TEX11: variants seen among roughly 807,000 people sequenced by gnomAD.
TEX11 encodes testis expressed 11.
Under a neutral mutation model 84.4 loss-of-function variants are expected in TEX11, and 7 were observed. The observed-to-expected ratio is 0.08, with a 90% CI of 0.05 to 0.16. TEX11 has a LOEUF of 0.16. Ranked by LOEUF, TEX11 falls within the 10% of genes least tolerant of loss-of-function variation. The probability of loss-of-function intolerance (pLI) is 1.00; values close to 1 mark genes in which losing one functional copy is unlikely to be tolerated. For synonymous variants in TEX11, 264 were observed against 222.8 expected, an observed-to-expected ratio of 1.18 and a Z score of -1.64; for missense variants, 551 against 660.5, an observed-to-expected ratio of 0.83 and a Z score of 1.82.
chrX:70,901,691 C>G (rs1045878912), intron 2 of TEX11, among the ~76,000 whole-genome samples: 1 of 111,783 alleles, frequency 8.9e-6, no homozygotes, highest in African/African-American at 3.2e-5. Flanking sequence ...CAGGGCTCAT[C>G]TCCTGCTGTG....
chrX:70,678,870 T>C lies in TEX11; in HGVS notation c.1176A>G (p.Gln392=), dbSNP rs1173539243. The C allele has an allele frequency of 2.5e-6, 3 of 1,185,159 alleles. No homozygotes were observed. The highest frequency in any genetic ancestry group is 1.1e-6 in the Non-Finnish European group (1 of 886,172). ...EIFLAHQTGR[Q]LTAESMNWLH... ...ACCAGTTCATTGATTCTGCTGTCAG[T>C]TGTCTTCCTGTTTGGTGAGCTGAAA... is the stretch of plus-strand genomic sequence containing the variant. The change falls in exon 15 of 30, where the codon CAA becomes CAG. Residue 392 remains glutamine, a synonymous_variant. Coordinates refer to ENST00000374333, the MANE Select transcript of TEX11 (RefSeq NM_031276.3).
At chrX:70,608,821 G>A (rs1357106168) in intron 22 of TEX11, among the ~76,000 whole-genome samples, 1 of 110,500 alleles carries the variant, frequency 9.0e-6, no homozygotes, top group Non-Finnish European at 1.9e-5. Context: ...CAGTTCATTA[G>A]TTTCATCTTA....
chrX:70,570,938 C>G (rs1286511983), intron 25 of TEX11, among the ~76,000 whole-genome samples: 2 of 112,015 alleles, frequency 1.8e-5, no homozygotes, highest in African/African-American at 3.2e-5. Flanking sequence ...CTTTCTTGAT[C>G]CATCTTGCAA....
chrX:70,557,285 A>G (rs1262579980), intron 25 of TEX11, among the ~76,000 whole-genome samples: 1 of 101,222 alleles, frequency 9.9e-6, no homozygotes, highest in African/African-American at 3.5e-5. Context: ...TCTGGCCAAC[A>G]TGGCAGAATC....
chrX:70,530,105 T>G, intron 28 of TEX11, 106 bp from the exon 29 acceptor site: 1 of 726,901 alleles, frequency 1.4e-6, no homozygotes. Context: ...CAATAGGAGC[T>G]CTGCTGATGT....
intron 2 of TEX11, among the ~76,000 whole-genome samples, chrX:70,884,577 C>T (rs1033169709): frequency 9.0e-6 from 1 of 111,356 alleles, no homozygotes; most frequent in Non-Finnish European, 1.9e-5. Flanking sequence ...ACTAAAATTA[C>T]ATTGTAAATC....
chrX:70,826,577 A>G (rs1361543423), intron 8 of TEX11, among the ~76,000 whole-genome samples: 1 of 112,041 alleles, frequency 8.9e-6, no homozygotes, highest in Non-Finnish European at 1.9e-5. Flanking sequence ...TATGCAGTGC[A>G]GAGAGAGAAT....
intron 16 of TEX11, among the ~76,000 whole-genome samples, chrX:70,655,536 G>T (rs746037759): frequency 1.8e-5 from 2 of 111,039 alleles, no homozygotes; most frequent in South Asian, 7.6e-4. Context: ...CAATTTATTG[G>T]GATATAACTC....
intron 17 of TEX11, among the ~76,000 whole-genome samples, chrX:70,637,843 T>C (rs966903710): frequency 9.0e-6 from 1 of 110,590 alleles, no homozygotes; most frequent in African/African-American, 3.3e-5. Context: ...ATGGGATGAT[T>C]TATGCAGCAA....
chrX:70,678,785 A>G lies in TEX11; in HGVS notation c.1242+19T>C. 2 of 1,182,008 alleles carry G rather than the reference A, an allele frequency of 1.7e-6. No individual in the cohort carries two copies. Among genetic ancestry groups the G allele is most frequent in the Non-Finnish European group, 2.3e-6 (2 of 877,526 alleles). On this transcript the variant is annotated intron_variant, in intron 15 of 29. Transcript: ENST00000374333. Reference sequence around the variant, plus strand: ...TTGCAGTGGAGAAATAAAGAATGAAAAAGAGATTATTCTCAAACCTCAAAA... The same window carrying G: ...TTGCAGTGGAGAAATAAAGAATGAAGAAGAGATTATTCTCAAACCTCAAAA...
chrX:70,727,111 C>T (rs1166496026), intron 11 of TEX11, among the ~76,000 whole-genome samples: 1 of 111,151 alleles, frequency 9.0e-6, no homozygotes, highest in Non-Finnish European at 1.9e-5. Flanking sequence ...TTTTGCAGGG[C>T]CAGATAAAGT....
chrX:70,811,855 C>A (rs2091256916), intron 8 of TEX11, among the ~76,000 whole-genome samples: 2 of 111,359 alleles, frequency 1.8e-5, no homozygotes, highest in Admixed American at 1.9e-4. Flanking sequence ...TATCCTTTGC[C>A]CACTTGTTGA....
intron 12 of TEX11, chrX:70,724,401 G>A: frequency 7.7e-6 from 1 of 130,416 alleles, no homozygotes; most frequent in Non-Finnish European, 1.4e-5. Flanking sequence ...TAAATTTAGG[G>A]CTACTGCCAA....
chrX:70,558,572 G>A (rs946638868), intron 25 of TEX11, among the ~76,000 whole-genome samples: 10 of 111,675 alleles, frequency 9.0e-5, no homozygotes, highest in African/African-American at 3.2e-4. Flanking sequence ...AGATAAACTG[G>A]ACCTCCTCAA....
At chrX:70,810,271 G>C (rs2091244547) in intron 8 of TEX11, among the ~76,000 whole-genome samples, 1 of 111,890 alleles carries the variant, frequency 8.9e-6, no homozygotes, top group African/African-American at 3.2e-5. Context: ...AATACTATTT[G>C]ACCCAGCAAT....
intron 25 of TEX11, among the ~76,000 whole-genome samples, chrX:70,586,304 A>G (rs2088852161): frequency 8.9e-6 from 1 of 112,562 alleles, no homozygotes. Flanking sequence ...ACAAGCAACA[A>G]AAGAAAAGGT....
chrX:70,682,532 TACTGTTAAAAG>T (rs1289855567), intron 14 of TEX11, 131 bp downstream of exon 14: 1 of 585,717 alleles, frequency 1.7e-6, no homozygotes, highest in Non-Finnish European at 2.7e-6. Context: ...GGTGAGGTGT[TACTGTTAAAAG>T]ACCATTAGGG....
At chrX:70,632,834 T>C (rs1178371516) in intron 17 of TEX11, among the ~76,000 whole-genome samples, 1 of 111,517 alleles carries the variant, frequency 9.0e-6, no homozygotes, top group African/African-American at 3.3e-5. Context: ...TGAAACAAAT[T>C]TTTGAAAGAC....
In TEX11 at chrX:70,564,947, A is replaced by G. The variant is rs1465861012; in HGVS notation, c.2141-10147T>C. Among the ~76,000 whole-genome samples, 3 of 108,841 alleles carry G rather than the reference A, an allele frequency of 2.8e-5. No homozygotes were observed. In the East Asian group the frequency reaches 8.7e-4, roughly 32 times the overall value. The allele number at this position is 108,841 out of a possible 115,157, so 94.5% of individuals were successfully genotyped here. ...TAATGGGATTGCTGGGTCAAATGGT[A>G]TTTCTAGTTCTAGATCCCTGAGGAA... On this transcript the variant is annotated intron_variant, in intron 25 of 29. Coordinates refer to ENST00000374333, the MANE Select transcript of TEX11 (RefSeq NM_031276.3).
Sources: gnomAD v4.1 joint callset for allele counts (sites outside exome capture counted in the v4.1 genomes callset) on GRCh38, gnomAD v4.1.1 for gene constraint, MANE v1.5 for transcripts, NCBI Gene and HGNC (gene_info 2026-07-23, HGNC 2026-07-21) for gene names.